KDM4C: variants seen among roughly 807,000 people sequenced by gnomAD.
KDM4C encodes lysine demethylase 4C.
In KDM4C, 81 loss-of-function variants were observed where a neutral mutation model predicts 129.3. The ratio of observed to expected loss-of-function variants is 0.63; its 90% CI spans 0.52 to 0.75. The LOEUF (loss-of-function observed/expected upper bound fraction) is 0.75. Ranked by LOEUF, KDM4C falls within the 30% of genes least tolerant of loss-of-function variation. The probability of loss-of-function intolerance (pLI) is 0.00; values close to 1 mark genes in which losing one functional copy is unlikely to be tolerated. For missense variants in KDM4C, 1,457 were observed against 1,304.0 expected, an observed-to-expected ratio of 1.12 and a Z score of -1.81; for synonymous variants, 573 against 456.1, an observed-to-expected ratio of 1.26 and a Z score of -3.26.
At chr9:7,067,293 G>A (rs1222894937) in intron 17 of KDM4C, among the ~76,000 whole-genome samples, 1 of 152,222 alleles carries the variant, frequency 6.6e-6, no homozygotes, top group East Asian at 1.9e-4. Context: ...TCCTATAGCT[G>A]TGGTGCATAA....
intron 4 of KDM4C, among the ~76,000 whole-genome samples, chr9:6,847,837 A>G (rs1838132177): frequency 6.6e-6 from 1 of 152,192 alleles, no homozygotes; most frequent in South Asian, 2.1e-4. Context: ...CCTGAGTCAG[A>G]GTTTCATTAG....
intron 8 of KDM4C, among the ~76,000 whole-genome samples, chr9:6,904,663 A>T (rs369953006): frequency 8.3e-4 from 127 of 152,278 alleles, no homozygotes; most frequent in Non-Finnish European, 1.5e-3. Flanking sequence ...AGAGATTTAT[A>T]ATGCCTTTGC....
chr9:7,058,387 A>G (rs1444555396), intron 17 of KDM4C, among the ~76,000 whole-genome samples: 3 of 152,228 alleles, frequency 2.0e-5, no homozygotes, highest in African/African-American at 7.2e-5. Context: ...GGAAAGGGGA[A>G]AAAAGCCCCT....
intron 5 of KDM4C, among the ~76,000 whole-genome samples, chr9:6,867,013 ATATATTTTT>A (rs1282933227): frequency 3.8e-5 from 3 of 78,818 alleles, no homozygotes; most frequent in South Asian, 3.3e-4. Flanking sequence ...ATATATATAT[ATATATTTTT>A]TTTTTTTTTT....
intron 8 of KDM4C, among the ~76,000 whole-genome samples, chr9:6,919,569 A>T (rs1041445939): frequency 6.7e-6 from 1 of 150,094 alleles, no homozygotes; most frequent in Non-Finnish European, 1.5e-5. Flanking sequence ...CTATCTATCT[A>T]TCTATCTATC....
intron 1 of KDM4C, among the ~76,000 whole-genome samples, chr9:6,741,964 TTTTA>T (rs1226796754): frequency 6.6e-6 from 1 of 151,832 alleles, no homozygotes. Context: ...AATAAAATGT[TTTTA>T]TTTATTTATT....
intron 17 of KDM4C, among the ~76,000 whole-genome samples, chr9:7,087,704 A>C (rs1014644208): frequency 1.3e-5 from 2 of 152,256 alleles, no homozygotes; most frequent in African/African-American, 4.8e-5. Context: ...GGAATGCTAC[A>C]AAACGTGAAA....
intron 8 of KDM4C, among the ~76,000 whole-genome samples, chr9:6,957,193 A>G (rs1829216773): frequency 6.6e-6 from 1 of 152,140 alleles, no homozygotes; most frequent in Non-Finnish European, 1.5e-5. Flanking sequence ...ACATGTGCAA[A>G]TTCTCCCTGG....
intron 8 of KDM4C, among the ~76,000 whole-genome samples, chr9:6,967,356 G>A (rs956723255): frequency 1.3e-5 from 2 of 151,692 alleles, no homozygotes; most frequent in Non-Finnish European, 2.9e-5. Context: ...CCCAGGAGGC[G>A]GAGGTTGCAG....
rs554962837 is a variant in KDM4C at position 6,812,589 on chromosome 9, C to A, written c.321-2042C>A. On this transcript the variant is annotated intron_variant, in intron 3 of 21. Coordinates refer to ENST00000381309, the MANE Select transcript of KDM4C (RefSeq NM_015061.6). ...ACAGTTCACAACAGGGTTCATACTCCTATGAGAATCTAATGCCACTGATCT... is the reference window on the plus strand; with the variant it reads ...ACAGTTCACAACAGGGTTCATACTCATATGAGAATCTAATGCCACTGATCT... Among the ~76,000 whole-genome samples the A allele has an allele frequency of 2.9e-4, 44 of 152,316 alleles. 1 individual carries two copies. The highest frequency in any genetic ancestry group is 1.0e-3 in the African/African-American group (43 of 41,562).
At chr9:6,919,529 A>G (rs916881057) in intron 8 of KDM4C, among the ~76,000 whole-genome samples, 1 of 142,882 alleles carries the variant, frequency 7.0e-6, no homozygotes, top group Admixed American at 7.3e-5. Flanking sequence ...TTTCAATTTC[A>G]TCTGTCTGTC....
intron 19 of KDM4C, among the ~76,000 whole-genome samples, chr9:7,138,508 C>A (rs755487868): frequency 6.6e-6 from 1 of 152,160 alleles, no homozygotes; most frequent in Non-Finnish European, 1.5e-5. Flanking sequence ...CTGGTGTGAT[C>A]TGTGCCTGAA....
At chr9:6,898,034 C>G (rs1183061863) in intron 8 of KDM4C, among the ~76,000 whole-genome samples, 1 of 152,130 alleles carries the variant, frequency 6.6e-6, no homozygotes, top group Non-Finnish European at 1.5e-5. Flanking sequence ...CAGGTTGGAT[C>G]AAAGCGCCGG....
intron 11 of KDM4C, among the ~76,000 whole-genome samples, chr9:6,989,056 A>G (rs1029616601): frequency 3.9e-5 from 6 of 152,232 alleles, no homozygotes; most frequent in Non-Finnish European, 7.3e-5. Flanking sequence ...AGCTCCAGCT[A>G]TGACAACGGT....
intron 15 of KDM4C, among the ~76,000 whole-genome samples, chr9:7,023,575 T>C (rs879895254): frequency 2.6e-5 from 4 of 152,036 alleles, no homozygotes; most frequent in East Asian, 1.9e-4. Flanking sequence ...TTTTTCTTTC[T>C]TTTTAAAAAA....
At chr9:6,914,068 C>CT (rs1417930889) in intron 8 of KDM4C, among the ~76,000 whole-genome samples, 2 of 151,794 alleles carry the variant, frequency 1.3e-5, no homozygotes, top group Non-Finnish European at 2.9e-5. Flanking sequence ...TGTATTTTCC[C>CT]TTTTTTTTGA....
chr9:7,152,837 T>C (rs1842841594), intron 19 of KDM4C, among the ~76,000 whole-genome samples: 1 of 152,092 alleles, frequency 6.6e-6, no homozygotes, highest in African/African-American at 2.4e-5. Context: ...TATTCTAACA[T>C]GAAAGAAAAT....
At chr9:7,072,292 C>G (rs989317845) in intron 17 of KDM4C, among the ~76,000 whole-genome samples, 2 of 152,128 alleles carry the variant, frequency 1.3e-5, no homozygotes, top group Non-Finnish European at 2.9e-5. Flanking sequence ...ATCCAGCAAT[C>G]CCACTTCTAG....
chr9:7,085,186 C>T (rs931044541), intron 17 of KDM4C, among the ~76,000 whole-genome samples: 3 of 152,184 alleles, frequency 2.0e-5, no homozygotes, highest in Non-Finnish European at 2.9e-5. Flanking sequence ...CATTGGAGCC[C>T]TGTGGCAGAG....
Sources: gnomAD v4.1 joint callset for allele counts (sites outside exome capture counted in the v4.1 genomes callset) on GRCh38, gnomAD v4.1.1 for gene constraint, MANE v1.5 for transcripts, NCBI Gene and HGNC (gene_info 2026-07-23, HGNC 2026-07-21) for gene names.